The following UTS2B variants were observed in gnomAD, a reference collection of about 807,000 sequenced individuals.
The protein encoded by UTS2B is urotensin-2B.
Under a neutral mutation model 19.2 loss-of-function variants are expected in UTS2B, and 21 were observed. That is an observed-to-expected ratio of 1.09 (90% confidence interval 0.78 to 1.58). The LOEUF (loss-of-function observed/expected upper bound fraction) is 1.58. UTS2B is among the 40% of genes most tolerant of loss of function. The probability of loss-of-function intolerance (pLI) is 0.00; values close to 1 mark genes in which losing one functional copy is unlikely to be tolerated. For synonymous variants in UTS2B, 57 were observed against 50.2 expected (o/e 1.14, Z -0.58); for missense variants, 138 against 130.3 (o/e 1.06, Z -0.29).
At chr3:191,305,999 G>A (rs920263427) in intron 3 of UTS2B, among the ~76,000 whole-genome samples, 1 of 152,032 alleles carries the variant, frequency 6.6e-6, no homozygotes, top group Non-Finnish European at 1.5e-5. Flanking sequence ...TAATTTCTAT[G>A]TTCTCTATTC....
the UTS2B span, among the ~76,000 whole-genome samples, chr3:191,336,623 A>G: frequency 6.6e-6 from 1 of 152,212 alleles, no homozygotes; most frequent in Admixed American, 6.5e-5. Context: ...GTTCAATATC[A>G]GAATGATATG....
intron 4 of UTS2B, among the ~76,000 whole-genome samples, chr3:191,285,970 G>C (rs1269890916): frequency 6.6e-6 from 1 of 152,010 alleles, no homozygotes; most frequent in Non-Finnish European, 1.5e-5. Context: ...CAAAATAAAT[G>C]GGATAGTTAA....
At chr3:191,279,845 AAGCAATAGAAAAT>A (rs1361935283) in intron 5 of UTS2B, among the ~76,000 whole-genome samples, 2 of 152,240 alleles carry the variant, frequency 1.3e-5, no homozygotes, top group African/African-American at 2.4e-5. Flanking sequence ...GGCTAAAAAA[AAGCAATAGAAAAT>A]GAGTCTTTTG....
chr3:191,343,845 ACTC>A, the UTS2B span, among the ~76,000 whole-genome samples: 1 of 152,064 alleles, frequency 6.6e-6, no homozygotes, highest in Non-Finnish European at 1.5e-5. Context: ...CAAGAATTGA[ACTC>A]CTCTAACTAT....
intron 2 of UTS2B, among the ~76,000 whole-genome samples, chr3:191,323,391 A>G (rs1014740710): frequency 9.2e-5 from 14 of 152,048 alleles, no homozygotes; most frequent in Admixed American, 2.6e-4. Context: ...CTAGTTTCGA[A>G]CTTCTGACCT....
intron 4 of UTS2B, among the ~76,000 whole-genome samples, chr3:191,296,520 G>A (rs911241919): frequency 9.2e-5 from 14 of 152,136 alleles, no homozygotes; most frequent in Admixed American, 2.6e-4. Flanking sequence ...CCTTGTTCAT[G>A]ACTGTGAACA....
chr3:191,334,281 G>T (rs1718075245), upstream of UTS2B, among the ~76,000 whole-genome samples: 1 of 152,128 alleles, frequency 6.6e-6, no homozygotes, highest in Non-Finnish European at 1.5e-5. Context: ...ACCAAAAATG[G>T]CTTTCACAAA....
intron 3 of UTS2B, among the ~76,000 whole-genome samples, chr3:191,309,566 T>C (rs1056872116): frequency 1.3e-5 from 2 of 152,164 alleles, no homozygotes; most frequent in African/African-American, 4.8e-5. Context: ...TGGATCTGTC[T>C]CCCCACCAAA....
intron 3 of UTS2B, among the ~76,000 whole-genome samples, 190 bp from the exon 4 acceptor site, chr3:191,304,738 C>T (rs1717091911): frequency 6.6e-6 from 1 of 152,106 alleles, no homozygotes; most frequent in African/African-American, 2.4e-5. Context: ...AAAAGTGTGT[C>T]ATGGGGTTTG....
intron 3 of UTS2B, among the ~76,000 whole-genome samples, chr3:191,311,984 C>T (rs1450456662): frequency 7.1e-6 from 1 of 140,862 alleles, no homozygotes. Flanking sequence ...ACTAAAAATA[C>T]AAAAAAAAAG....
intron 8 of UTS2B, among the ~76,000 whole-genome samples, chr3:191,272,200 G>T (rs1576911694): frequency 6.6e-6 from 1 of 152,224 alleles, no homozygotes; most frequent in East Asian, 1.9e-4. Context: ...TTATCAGCTT[G>T]CTAAGCATAT....
At chr3:191,327,221 C>T (rs1001520884) in intron 2 of UTS2B, among the ~76,000 whole-genome samples, 4 of 152,278 alleles carry the variant, frequency 2.6e-5, no homozygotes, top group South Asian at 2.1e-4. Context: ...GGAGGCCGGG[C>T]GTGGTGGCTC....
intron 2 of UTS2B, among the ~76,000 whole-genome samples, chr3:191,324,577 C>T (rs1396835301): frequency 6.6e-6 from 1 of 152,216 alleles, no homozygotes; most frequent in Non-Finnish European, 1.5e-5. Flanking sequence ...AGCTCTCTTG[C>T]CTGCCACCAT....
At chr3:191,310,862 T>C (rs1717282326) in intron 3 of UTS2B, among the ~76,000 whole-genome samples, 1 of 152,240 alleles carries the variant, frequency 6.6e-6, no homozygotes, top group Admixed American at 6.5e-5. Flanking sequence ...CTTAAATATT[T>C]GACAAGGGGG....
intron 8 of UTS2B, among the ~76,000 whole-genome samples, chr3:191,272,309 A>G (rs1716113940): frequency 6.6e-6 from 1 of 152,218 alleles, no homozygotes; most frequent in South Asian, 2.1e-4. Flanking sequence ...AGACAAGGAA[A>G]CTGATATCAT....
rs148664057 is a variant in UTS2B, at chr3:191,318,925, G to T, written c.-585-2486C>A. ...ATATGTATTAATCACAGCTGCACTT[G>T]TATTCATTTAAAAATTCAAAATATG... is the stretch of plus-strand genomic sequence containing the variant. On this transcript the variant is annotated intron_variant, in intron 2 of 8. Coordinates refer to ENST00000340524, the MANE Select transcript of UTS2B (RefSeq NM_198152.5). Among the ~76,000 whole-genome samples the T allele has an allele frequency of 2.0e-4, 30 of 152,026 alleles. No individual in the cohort carries two copies. In the East Asian group the frequency reaches 4.8e-3, roughly 24 times the overall value.
intron 3 of UTS2B, among the ~76,000 whole-genome samples, chr3:191,308,629 T>C (rs1326940182): frequency 6.6e-6 from 1 of 152,206 alleles, no homozygotes; most frequent in Non-Finnish European, 1.5e-5. Flanking sequence ...CCATTTGATG[T>C]CATCCCCCTT....
the UTS2B span, among the ~76,000 whole-genome samples, chr3:191,344,605 G>A: frequency 6.6e-6 from 1 of 152,148 alleles, no homozygotes; most frequent in Non-Finnish European, 1.5e-5. Context: ...TGGAGACGGA[G>A]TCTCGCTCTG....
intron 6 of UTS2B, 22 bp downstream of exon 6, chr3:191,278,050 C>A: frequency 7.8e-7 from 1 of 1,280,602 alleles, no homozygotes; most frequent in Middle Eastern, 1.9e-4. Context: ...ATAAATAGAG[C>A]TTGACTTTAT....
Sources: gnomAD v4.1 joint callset for allele counts (sites outside exome capture counted in the v4.1 genomes callset) on GRCh38, gnomAD v4.1.1 for gene constraint, MANE v1.5 for transcripts, NCBI Gene and HGNC (gene_info 2026-07-23, HGNC 2026-07-21) for gene names.